Variants in ACSM1 observed in about 807,000 individuals in gnomAD.
ACSM1 encodes the protein acyl-CoA synthetase medium chain family member 1.
In ACSM1, 79 loss-of-function variants were observed where a neutral mutation model predicts 75.8. The ratio of observed to expected loss-of-function variants is 1.04; its 90% confidence interval spans 0.87 to 1.26. ACSM1 has a LOEUF of 1.26. Ranked by LOEUF, ACSM1 falls within the 50% of genes most tolerant of loss-of-function variation. The pLI is 0.00. For synonymous variants in ACSM1, 279 were observed against 265.8 expected (o/e 1.05, Z -0.48); for missense variants, 676 against 720.1 (o/e 0.94, Z 0.70).
intron 1 of ACSM1, among the ~76,000 whole-genome samples, chr16:20,693,620 C>G (rs1407711509): frequency 6.6e-6 from 1 of 152,168 alleles, no homozygotes; most frequent in Non-Finnish European, 1.5e-5. Context: ...TTTATTTCAA[C>G]TTGTTGTCAA....
chr16:20,625,648 T>A, intron 11 of ACSM1, 126 bp from the exon 12 acceptor site: 1 of 767,134 alleles, frequency 1.3e-6, no homozygotes, highest in East Asian at 2.7e-5. Flanking sequence ...CAGGGACCCC[T>A]GACTTGTCTG....
chr16:20,673,666 T>C (rs2020094643), intron 4 of ACSM1, among the ~76,000 whole-genome samples: 1 of 152,154 alleles, frequency 6.6e-6, no homozygotes, highest in South Asian at 2.1e-4. Context: ...CCCTGGGAGA[T>C]GGAAAGAGTT....
At chr16:20,623,645 C>T (rs2016742740) in intron 13 of ACSM1, 73 bp from the exon 14 acceptor site, 2 of 1,424,778 alleles carry the variant, frequency 1.4e-6, no homozygotes, top group Non-Finnish European at 2.0e-6. Context: ...CACTCTCCTC[C>T]TCTGCCCCTC....
At chr16:20,671,384 G>C (rs963081215) in intron 5 of ACSM1, 147 bp downstream of exon 5, 34 of 818,718 alleles carry the variant, frequency 4.2e-5, no homozygotes, top group Non-Finnish European at 5.8e-5. Context: ...CTGAACAAAA[G>C]AGAGTGGAAG....
In ACSM1 at chr16:20,685,391, C is replaced by T; in HGVS notation, c.205G>A (p.Gly69Ser). The part of the protein sequence containing the change: ...WAQKEKEGKR[G>S]PNPAFWWVNG... Reference sequence around the variant, plus strand: ...ACCCACCAAAAAGCTGGATTTGGACCTCTCTTGCCCTCCTGGTCAAGACCA... The same window carrying T: ...ACCCACCAAAAAGCTGGATTTGGACTTCTCTTGCCCTCCTGGTCAAGACCA... The change falls in exon 3 of 14, where the codon GGT becomes AGT. Residue 69 changes from glycine to serine, a missense_variant. Transcript: ENST00000520010. 1.2e-6 allele frequency: 2 copies of T among 1,614,204 alleles called. No homozygotes were observed. Among genetic ancestry groups the T allele is most frequent in the Non-Finnish European group, 1.7e-6 (2 of 1,180,034 alleles).
chr16:20,664,047 G>A (rs1398164252), intron 6 of ACSM1, among the ~76,000 whole-genome samples: 2 of 152,132 alleles, frequency 1.3e-5, no homozygotes, highest in Non-Finnish European at 2.9e-5. Flanking sequence ...GGTGTGGAAC[G>A]GAGATCAGCA....
At chr16:20,693,730 A>C (rs114357069) in intron 1 of ACSM1, among the ~76,000 whole-genome samples, 3,110 of 152,194 alleles carry the variant, frequency 0.02, 114 homozygotes, top group African/African-American at 0.071. Context: ...CTGCTTCTCC[A>C]CTTATTGTAG....
intron 10 of ACSM1, among the ~76,000 whole-genome samples, chr16:20,632,406 C>A (rs1177817632): frequency 6.6e-6 from 1 of 152,078 alleles, no homozygotes; most frequent in African/African-American, 2.4e-5. Context: ...ATACTATGAA[C>A]AATTGTATGC....
At chr16:20,639,855 G>T (rs758717541) in intron 8 of ACSM1, among the ~76,000 whole-genome samples, 1 of 152,102 alleles carries the variant, frequency 6.6e-6, no homozygotes, top group Non-Finnish European at 1.5e-5. Context: ...AAGCCAAAGG[G>T]AAAACTCAAG....
At chr16:20,637,881 T>C (rs1410109780) in intron 8 of ACSM1, among the ~76,000 whole-genome samples, 1 of 152,224 alleles carries the variant, frequency 6.6e-6, no homozygotes, top group Non-Finnish European at 1.5e-5. Context: ...CCACAACTTC[T>C]TGACTGATCC....
chr16:20,625,387 C>T, intron 12 of ACSM1, 36 bp downstream of exon 12: 1 of 1,596,882 alleles, frequency 6.3e-7, no homozygotes, highest in Non-Finnish European at 8.6e-7. Context: ...TCCTAGTGCC[C>T]ACGCACAGAC....
At position 20,636,829 on chromosome 16, in the gene ACSM1, G is replaced by GA. The variant is rs749214657; in HGVS notation, c.1208_1209insT (p.Lys404GlnfsTer8). ...TGTTAGGTGGCAGGATGCTGCCCTT[G>GA]TCATCAATGACCTGTAGCAAGAGGC... On this transcript the variant is annotated frameshift_variant, in exon 10 of 14. Transcript: ENST00000520010. LOFTEE classifies it high-confidence loss of function. The GA allele has an allele frequency of 6.2e-7, 1 of 1,613,688 alleles. No homozygotes were observed. The highest frequency in any genetic ancestry group is 8.5e-7 in the Non-Finnish European group (1 of 1,179,826).
intron 4 of ACSM1, among the ~76,000 whole-genome samples, chr16:20,672,471 A>AATATAT (rs1392857890): frequency 3.0e-3 from 195 of 64,440 alleles, no homozygotes; most frequent in East Asian, 0.017. Context: ...AAAAAAAAAA[A>AATATAT]ATATATATAT....
Position 20,670,374 on chromosome 16 carries a change from C to CAGGTACTA in ACSM1, c.753-389_753-388insTAGTACCT, listed in dbSNP as rs1246231246. Among the ~76,000 whole-genome samples, 511 of 152,312 alleles carry CAGGTACTA rather than the reference C, an allele frequency of 3.4e-3. 1 individual carries two copies. Among genetic ancestry groups the CAGGTACTA allele is most frequent in the African/African-American group, 0.012 (482 of 41,578 alleles). ...AAATCTCAACTGTGTTAATTTCCATCATATGTCTAGTACCTGATCCATGCC... is the reference window on the plus strand; with the variant it reads ...AAATCTCAACTGTGTTAATTTCCATCAGGTACTAATATGTCTAGTACCTGATCCATGCC... On this transcript the variant is annotated intron_variant, in intron 5 of 13. Coordinates refer to ENST00000520010, the MANE Select transcript of ACSM1 (RefSeq NM_001318890.3).
At chr16:20,645,248 G>A (rs1946816541) in intron 7 of ACSM1, among the ~76,000 whole-genome samples, 1 of 152,148 alleles carries the variant, frequency 6.6e-6, no homozygotes, top group Admixed American at 6.5e-5. Flanking sequence ...AGAGGTCCAT[G>A]GGTGGTTATG....
intron 10 of ACSM1, 78 bp from the exon 11 acceptor site, chr16:20,627,394 G>T (rs1413206275): frequency 2.8e-6 from 4 of 1,447,942 alleles, no homozygotes; most frequent in Admixed American, 2.7e-5. Context: ...TTCCAATCTG[G>T]GTTTGAATTC....
chr16:20,649,088 G>T (rs1774899271), intron 7 of ACSM1, among the ~76,000 whole-genome samples: 1 of 152,128 alleles, frequency 6.6e-6, no homozygotes, highest in South Asian at 2.1e-4. Context: ...TAATCAATCT[G>T]GCTCATGTCA....
chr16:20,632,156 GA>G (rs2017388450), intron 10 of ACSM1, among the ~76,000 whole-genome samples: 1 of 152,048 alleles, frequency 6.6e-6, no homozygotes, highest in African/African-American at 2.4e-5. Flanking sequence ...ATCTCAAGCC[GA>G]AAACCTTACA....
chr16:20,640,528 T>C lies in ACSM1; in HGVS notation c.1049A>G (p.Lys350Arg), dbSNP rs1363465692. ...CYTGGEVVLPKDQEEWKRRTG... is the reference protein window; with the variant it reads ...CYTGGEVVLPRDQEEWKRRTG... Reference sequence around the variant, plus strand: ...CCGTCTTTTCCACTCCTCCTGATCCTTGGGCAACACGACCTCCCCGCCAGT... The same window carrying C: ...CCGTCTTTTCCACTCCTCCTGATCCCTGGGCAACACGACCTCCCCGCCAGT... Residue 350 changes from lysine (K) to arginine (R), a missense_variant, in exon 8 of 14, where the codon AAG becomes AGG. Transcript: ENST00000520010. The C allele has an allele frequency of 4.3e-6, 7 of 1,614,064 alleles. No homozygotes were observed. The highest frequency in any genetic ancestry group is 5.9e-6 in the Non-Finnish European group (7 of 1,180,030).
Sources: allele counts gnomAD v4.1 joint callset (sites outside exome capture counted in the v4.1 genomes callset), GRCh38; gene constraint gnomAD v4.1.1; transcripts MANE v1.5; gene names NCBI Gene and HGNC (gene_info 2026-07-23, HGNC 2026-07-21).